KHDRBS2: variants seen among roughly 807,000 people sequenced by gnomAD.
The protein encoded by KHDRBS2 is KH domain-containing, RNA-binding, signal transduction-associated protein 2.
KHDRBS2 carries 26 observed loss-of-function variants against 44.3 expected under a neutral mutation model. The ratio of observed to expected loss-of-function variants is 0.59; its 90% confidence interval spans 0.43 to 0.81. The LOEUF (loss-of-function observed/expected upper bound fraction) is 0.81. KHDRBS2 is among the 40% of genes least tolerant of loss of function. The probability of loss-of-function intolerance (pLI) is 0.00; values close to 1 mark genes in which losing one functional copy is unlikely to be tolerated. For missense variants in KHDRBS2, 476 were observed against 433.1 expected, an observed-to-expected ratio of 1.10 and a Z score of -0.88; for synonymous variants, 194 against 151.1, an observed-to-expected ratio of 1.28 and a Z score of -2.08.
intron 6 of KHDRBS2, among the ~76,000 whole-genome samples, chr6:61,873,659 A>C (rs1798986320): frequency 6.6e-6 from 1 of 151,880 alleles, no homozygotes; most frequent in African/African-American, 2.4e-5. Flanking sequence ...AAACTATCCA[A>C]ATGTTTATAT....
At position 62,275,042 on chromosome 6, in the gene KHDRBS2, CAT is replaced by C. The variant is rs1491027615; in HGVS notation, c.91+10814_91+10815del. 7.4e-5 allele frequency among the ~76,000 whole-genome samples: 11 copies of C among 148,876 alleles called. No homozygotes were observed. The East Asian group carries it at 9.8e-4, about 13-fold the overall frequency. ...ACACACACACACACACACACACACACATATATATTCCACTCATTTTACTCAAA... is the reference window on the plus strand; with the variant it reads ...ACACACACACACACACACACACACACATATATTCCACTCATTTTACTCAAA... On this transcript the variant is annotated intron_variant, in intron 1 of 8. Transcript: ENST00000281156.
At chr6:62,042,531 G>A (rs1477638229) in intron 3 of KHDRBS2, among the ~76,000 whole-genome samples, 2 of 152,064 alleles carry the variant, frequency 1.3e-5, no homozygotes, top group African/African-American at 4.8e-5. Context: ...TATGTAACCA[G>A]TCACAGCCTG....
At chr6:62,109,792 G>A (rs765401429) in intron 2 of KHDRBS2, among the ~76,000 whole-genome samples, 2 of 149,988 alleles carry the variant, frequency 1.3e-5, no homozygotes, top group Non-Finnish European at 1.5e-5. Context: ...AAGAAAGAAA[G>A]GAAGGGAGAG....
the KHDRBS2 span, chr6:61,574,328 A>G: frequency 6.5e-7 from 1 of 1,528,790 alleles, no homozygotes; most frequent in Non-Finnish European, 8.8e-7. Flanking sequence ...ACTTGTATGA[A>G]TGGCTCGACG....
At chr6:62,238,756 C>T (rs1834118600) in intron 1 of KHDRBS2, among the ~76,000 whole-genome samples, 1 of 151,656 alleles carries the variant, frequency 6.6e-6, no homozygotes, top group African/African-American at 2.4e-5. Flanking sequence ...ACTAACAGTC[C>T]ACAGATTATT....
intron 6 of KHDRBS2, among the ~76,000 whole-genome samples, chr6:61,778,693 T>C (rs956104436): frequency 6.6e-6 from 1 of 152,190 alleles, no homozygotes. Flanking sequence ...TTGCATCTTC[T>C]TTTGCTCTTC....
At chr6:61,859,489 C>T (rs1185384854) in intron 6 of KHDRBS2, among the ~76,000 whole-genome samples, 4 of 151,692 alleles carry the variant, frequency 2.6e-5, no homozygotes, top group Non-Finnish European at 4.4e-5. Flanking sequence ...AAAAGTCGCC[C>T]ATTTATATGG....
rs148812024 is a variant in KHDRBS2 at position 62,082,398 on chromosome 6, T to C, written c.220-34404A>G. ...TTCCTAGGAATATTTTGCACATTTA[T>C]GATAAAGTGGTTTCTTTTTGTCTTG... On this transcript the variant is annotated intron_variant, in intron 2 of 8. Coordinates refer to ENST00000281156, the MANE Select transcript of KHDRBS2 (RefSeq NM_152688.4). 3.5e-3 allele frequency among the ~76,000 whole-genome samples: 532 copies of C among 152,096 alleles called. 5 individuals carry two copies. The highest frequency in any genetic ancestry group is 0.012 in the African/African-American group (500 of 41,498).
intron 3 of KHDRBS2, among the ~76,000 whole-genome samples, chr6:61,998,593 C>T (rs1370516861): frequency 2.6e-5 from 4 of 152,040 alleles, no homozygotes; most frequent in Admixed American, 6.6e-5. Context: ...AACCAAAATA[C>T]GTAGATACGA....
the KHDRBS2 span, among the ~76,000 whole-genome samples, chr6:61,588,334 CCCTT>C: frequency 6.6e-6 from 1 of 152,182 alleles, no homozygotes; most frequent in Non-Finnish European, 1.5e-5. Flanking sequence ...ATTTCTCTCT[CCCTT>C]CCTCTACCTT....
At chr6:61,965,344 G>A (rs1769681020) in intron 4 of KHDRBS2, among the ~76,000 whole-genome samples, 1 of 152,054 alleles carries the variant, frequency 6.6e-6, no homozygotes, top group Admixed American at 6.6e-5. Context: ...TCAACCGCTA[G>A]GACTGGGAAG....
chr6:61,926,153 G>A (rs1808933625), intron 4 of KHDRBS2, among the ~76,000 whole-genome samples: 1 of 152,200 alleles, frequency 6.6e-6, no homozygotes, highest in African/African-American at 2.4e-5. Context: ...TAGAGAAAAC[G>A]TAGGTAGAAT....
chr6:61,912,562 G>T (rs1397351759), intron 4 of KHDRBS2, among the ~76,000 whole-genome samples: 1 of 152,132 alleles, frequency 6.6e-6, no homozygotes, highest in East Asian at 1.9e-4. Context: ...GGGAAGACCT[G>T]GGTTCTTTGC....
chr6:61,837,121 A>C (rs1792816326), intron 6 of KHDRBS2, among the ~76,000 whole-genome samples: 1 of 151,988 alleles, frequency 6.6e-6, no homozygotes, highest in Admixed American at 6.6e-5. Flanking sequence ...ACCCTAAATG[A>C]TGTTAGGCTG....
At chr6:62,163,673 A>G (rs1518908) in intron 2 of KHDRBS2, among the ~76,000 whole-genome samples, 92,267 of 151,706 alleles carry the variant, frequency 0.61, 28,243 homozygotes, top group Non-Finnish European at 0.62. Context: ...TGAATTATAC[A>G]ATGGTTTAAT....
chr6:62,243,741 A>G (rs565751316), intron 1 of KHDRBS2, among the ~76,000 whole-genome samples: 2 of 152,250 alleles, frequency 1.3e-5, no homozygotes, highest in African/African-American at 4.8e-5. Flanking sequence ...TTCTCAGTTT[A>G]TAATCATTTG....
chr6:62,047,819 C>T, intron 3 of KHDRBS2, 59 bp downstream of exon 3: 2 of 1,044,998 alleles, frequency 1.9e-6, no homozygotes, highest in East Asian at 2.4e-5. Context: ...GTAAATTTGG[C>T]CTTCAGTGTT....
intron 6 of KHDRBS2, among the ~76,000 whole-genome samples, chr6:61,822,536 C>CA (rs1475560261): frequency 2.0e-5 from 3 of 151,996 alleles, no homozygotes; most frequent in African/African-American, 7.2e-5. Flanking sequence ...TAATTCTCCA[C>CA]AAAACTCAGG....
chr6:61,956,962 C>A (rs1476735309), intron 4 of KHDRBS2, among the ~76,000 whole-genome samples: 7 of 148,184 alleles, frequency 4.7e-5, no homozygotes, highest in African/African-American at 5.0e-5. Flanking sequence ...AAGTCAGGGA[C>A]CCCGAACGGA....
Sources: gnomAD v4.1 joint callset for allele counts (sites outside exome capture counted in the v4.1 genomes callset) on GRCh38, gnomAD v4.1.1 for gene constraint, MANE v1.5 for transcripts, NCBI Gene and HGNC (gene_info 2026-07-23, HGNC 2026-07-21) for gene names.